The following TAMM41 variants were observed in gnomAD, a reference collection of about 807,000 sequenced individuals.
TAMM41 encodes the protein TAM41 mitochondrial translocator assembly and maintenance homolog, also known as phosphatidate cytidylyltransferase, mitochondrial.
A neutral mutation model predicts 44.1 loss-of-function variants in TAMM41; 36 were observed. The observed-to-expected ratio is 0.82, with a 90% CI of 0.63 to 1.08. TAMM41 has a LOEUF of 1.08. Ranked by LOEUF, TAMM41 falls within the 50% of genes least tolerant of loss-of-function variation. TAMM41 has a pLI of 0.00. For synonymous variants in TAMM41, 164 were observed against 153.1 expected (o/e 1.07, Z -0.53); for missense variants, 417 against 404.3 (o/e 1.03, Z -0.27).
the TAMM41 span, among the ~76,000 whole-genome samples, chr3:11,784,796 C>CTTTTTTTTTTT: frequency 2.8e-5 from 3 of 109,020 alleles, no homozygotes; most frequent in African/African-American, 3.6e-5. Flanking sequence ...CTTTTCTTTT[C>CTTTTTTTTTTT]TTTTTTTTTT....
chr3:11,730,649 A>G, the TAMM41 span, among the ~76,000 whole-genome samples: 1 of 147,994 alleles, frequency 6.8e-6, no homozygotes, highest in African/African-American at 2.5e-5. Flanking sequence ...CAAGAGAATC[A>G]CTTGAACCTG....
At chr3:11,817,367 T>C (rs758589167) in intron 4 of TAMM41, 30 bp from the exon 5 acceptor site, 1 of 1,589,726 alleles carries the variant, frequency 6.3e-7, no homozygotes, top group Non-Finnish European at 8.6e-7. Context: ...AAACACATCT[T>C]CCATTAAGAA....
chr3:11,823,254 GTTT>G (rs912198535), intron 4 of TAMM41, among the ~76,000 whole-genome samples: 3 of 126,734 alleles, frequency 2.4e-5, no homozygotes, highest in African/African-American at 5.7e-5. Flanking sequence ...TGTTGTTGTT[GTTT>G]TTTTTTTTTT....
chr3:11,790,698 G>T, intron 7 of TAMM41, 117 bp from the exon 8 acceptor site: 1 of 820,228 alleles, frequency 1.2e-6, no homozygotes, highest in Non-Finnish European at 2.0e-6. Flanking sequence ...GGGCTGACCC[G>T]TGGCTCTAGG....
chr3:11,829,670 T>A, intron 4 of TAMM41, 44 bp downstream of exon 4: 1 of 1,606,548 alleles, frequency 6.2e-7, no homozygotes, highest in South Asian at 1.1e-5. Flanking sequence ...TCTTCAAATA[T>A]AAATCTCTCC....
the TAMM41 span, among the ~76,000 whole-genome samples, chr3:11,734,981 G>A: frequency 1.6e-4 from 24 of 151,482 alleles, no homozygotes; most frequent in African/African-American, 4.4e-4. Context: ...CCCGGGAGGC[G>A]GAGCTTGCAG....
the TAMM41 span, among the ~76,000 whole-genome samples, chr3:11,729,971 A>G: frequency 7.9e-5 from 12 of 152,316 alleles, 1 homozygote; most frequent in South Asian, 2.3e-3. Context: ...AGGGTAGGAC[A>G]TTTGCACGGG....
At chr3:11,762,522 T>C in the TAMM41 span, among the ~76,000 whole-genome samples, 1 of 152,208 alleles carries the variant, frequency 6.6e-6, no homozygotes. Context: ...ATAAAATATG[T>C]GCTCCGTTAT....
chr3:11,758,362 G>GT, the TAMM41 span, among the ~76,000 whole-genome samples: 71,060 of 151,944 alleles, frequency 0.47, 17,959 homozygotes, highest in South Asian at 0.63. Flanking sequence ...GTTTTGTTTT[G>GT]TTTTTTTGAG....
chr3:11,788,983 A>G (rs1363892128), downstream of TAMM41, among the ~76,000 whole-genome samples: 1 of 152,136 alleles, frequency 6.6e-6, no homozygotes, highest in Non-Finnish European at 1.5e-5. Flanking sequence ...AAAGAAAAAG[A>G]AAAAGAAAAT....
chr3:11,725,675 A>G, the TAMM41 span, among the ~76,000 whole-genome samples: 40 of 152,166 alleles, frequency 2.6e-4, no homozygotes, highest in East Asian at 6.4e-3. Context: ...CCTGGGCTCA[A>G]GCAATCATCC....
chr3:11,802,895 T>C (rs1272925020), intron 7 of TAMM41, among the ~76,000 whole-genome samples: 1 of 152,232 alleles, frequency 6.6e-6, no homozygotes, highest in Non-Finnish European at 1.5e-5. Context: ...GATGGTTCAA[T>C]ATATACAAAT....
At chr3:11,817,379 C>T (rs754956593) in intron 4 of TAMM41, 42 bp from the exon 5 acceptor site, 1 of 1,582,712 alleles carries the variant, frequency 6.3e-7, no homozygotes, top group South Asian at 1.1e-5. Context: ...CATTAAGAAT[C>T]CACACTCTCG....
intron 2 of TAMM41, among the ~76,000 whole-genome samples, chr3:11,841,313 G>A (rs2079431275): frequency 6.6e-6 from 1 of 151,920 alleles, no homozygotes; most frequent in African/African-American, 2.4e-5. Context: ...GAACTCCTGG[G>A]CTCAAGCAAT....
the TAMM41 span, among the ~76,000 whole-genome samples, chr3:11,744,229 A>ACC: frequency 6.6e-6 from 1 of 151,852 alleles, no homozygotes; most frequent in Non-Finnish European, 1.5e-5. Context: ...CACCATGCCC[A>ACC]GCTAGTTTTT....
the TAMM41 span, among the ~76,000 whole-genome samples, chr3:11,730,955 G>A: frequency 6.6e-6 from 1 of 152,082 alleles, no homozygotes. Flanking sequence ...GGTATTGGAC[G>A]GACCTGAGTT....
the TAMM41 span, among the ~76,000 whole-genome samples, chr3:11,748,347 A>G: frequency 2.6e-5 from 4 of 151,736 alleles, no homozygotes; most frequent in African/African-American, 9.7e-5. Context: ...CAGTGGCATG[A>G]TCTCGGCTCA....
chr3:11,819,622 T>C (rs934612928), intron 4 of TAMM41, among the ~76,000 whole-genome samples: 3 of 152,170 alleles, frequency 2.0e-5, no homozygotes, highest in Non-Finnish European at 4.4e-5. Context: ...AGGCTGGGCA[T>C]GGTGGCTCAC....
chr3:11,776,779 C>G, the TAMM41 span, among the ~76,000 whole-genome samples: 4 of 152,192 alleles, frequency 2.6e-5, no homozygotes, highest in Non-Finnish European at 5.9e-5. Flanking sequence ...GGGGACGCAG[C>G]CCCATTGTAA....
Sources: allele counts gnomAD v4.1 joint callset (sites outside exome capture counted in the v4.1 genomes callset), GRCh38; gene constraint gnomAD v4.1.1; transcripts MANE v1.5; gene names NCBI Gene and HGNC (gene_info 2026-07-23, HGNC 2026-07-21).